The following SLC24A1 variants were observed in gnomAD, a reference collection of about 807,000 sequenced individuals.
SLC24A1 encodes sodium/potassium/calcium exchanger 1.
Under a neutral mutation model 88.1 loss-of-function variants are expected in SLC24A1, and 52 were observed. The ratio of observed to expected loss-of-function variants is 0.59; its 90% CI spans 0.47 to 0.74. The LOEUF (loss-of-function observed/expected upper bound fraction) is 0.74, where lower values mean the gene tolerates loss of function less well. Ranked by LOEUF, SLC24A1 falls within the 30% of genes least tolerant of loss-of-function variation. SLC24A1 has a pLI of 0.00. For missense variants in SLC24A1, 1,173 were observed against 1,363.3 expected, an observed-to-expected ratio of 0.86 and a Z score of 2.20; for synonymous variants, 455 against 498.0, an observed-to-expected ratio of 0.91 and a Z score of 1.15.
intron 2 of SLC24A1, among the ~76,000 whole-genome samples, chr15:65,614,713 G>A (rs1226682010): frequency 6.6e-6 from 1 of 152,152 alleles, no homozygotes; most frequent in African/African-American, 2.4e-5. Flanking sequence ...AACTAACTTT[G>A]CCTCTGCTCT....
At chr15:65,653,008 A>G (rs2075555786) in intron 9 of SLC24A1, 200 bp downstream of exon 9, 1 of 408,900 alleles carries the variant, frequency 2.4e-6, no homozygotes, top group Non-Finnish European at 4.3e-6. Context: ...TGCTGCCTGA[A>G]ATGTAACTGA....
At chr15:65,652,887 G>T in intron 9 of SLC24A1, 79 bp downstream of exon 9, 1 of 1,198,780 alleles carries the variant, frequency 8.3e-7, no homozygotes, top group Non-Finnish European at 1.2e-6. Context: ...CTGGTTTTCT[G>T]CTTTATTCAT....
Position 65,655,106 on chromosome 15 carries a change from C to A in SLC24A1, c.*1027C>A. 1 of 1,008,944 alleles carries A rather than the reference C, an allele frequency of 9.9e-7. No homozygotes were observed. The highest frequency in any genetic ancestry group is 4.0e-5 in the South Asian group (1 of 25,114). 62.5% of individuals were successfully genotyped at this position (1,008,944 alleles called of 1,614,324 possible). ...ACATGCAAATTCATGTTGTCTCCAT[C>A]AGTGGTCACCTTGAGGGATTAGACA... On this transcript the variant is annotated 3_prime_UTR_variant, in exon 10 of 10. Transcript: ENST00000261892.
intron 8 of SLC24A1, chr15:65,652,324 G>A (rs534163837): frequency 3.3e-6 from 1 of 300,240 alleles, no homozygotes; most frequent in African/African-American, 2.2e-5. Context: ...ACAGCTCTTT[G>A]GAAGGGCAGT....
rs76680467 is a variant in SLC24A1 at position 65,623,968 on chromosome 15, C to T, written c.-113C>T. 8.2e-3 allele frequency: 7,577 copies of T among 923,956 alleles called. 50 individuals carry two copies. The highest frequency in any genetic ancestry group is 0.011 in the Non-Finnish European group (6,461 of 601,018). 57.2% of individuals were successfully genotyped at this position (923,956 alleles called of 1,614,324 possible). On this transcript the variant is annotated 5_prime_UTR_variant, in exon 2 of 10. Coordinates refer to ENST00000261892, the MANE Select transcript of SLC24A1 (RefSeq NM_004727.3). ...TTACCCACCTAGGGTTGTGGATACCCCCTGGCTGGGCTTCATGGAGAAATC... is the reference window on the plus strand; with the variant it reads ...TTACCCACCTAGGGTTGTGGATACCTCCTGGCTGGGCTTCATGGAGAAATC...
intron 6 of SLC24A1, among the ~76,000 whole-genome samples, chr15:65,648,511 T>C (rs2075386048): frequency 6.6e-6 from 1 of 151,778 alleles, no homozygotes; most frequent in Admixed American, 6.5e-5. Flanking sequence ...AGACTGAGTC[T>C]TGCTCTGTCG....
Position 65,622,646 on chromosome 15 carries a change from A to C in SLC24A1, c.-127+554A>C, listed in dbSNP as rs555028027. On this transcript the variant is annotated intron_variant, in intron 1 of 9. Transcript: ENST00000261892. ...TAAATAGTTACTTGGGCTGGGCCTCAATGCCCTTCTTTATAAAATGAGGAT... is the reference window on the plus strand; with the variant it reads ...TAAATAGTTACTTGGGCTGGGCCTCCATGCCCTTCTTTATAAAATGAGGAT... 2.0e-5 allele frequency among the ~76,000 whole-genome samples: 3 copies of C among 152,150 alleles called. No homozygotes were observed. In the South Asian group the frequency reaches 6.2e-4, roughly 31 times the overall value.
At chr15:65,619,290 G>A (rs1282747241), upstream of SLC24A1, among the ~76,000 whole-genome samples, 1 of 152,008 alleles carries the variant, frequency 6.6e-6, no homozygotes, top group African/African-American at 2.4e-5. Flanking sequence ...CATCAGACTT[G>A]TTACTTTATT....
At position 65,624,337 on chromosome 15, in the gene SLC24A1, T is replaced by C. The variant is rs1352053947; in HGVS notation, c.257T>C (p.Met86Thr). Residue 86 changes from methionine to threonine, a missense_variant, in exon 2 of 10, where the codon ATG becomes ACG. Coordinates refer to ENST00000261892, the MANE Select transcript of SLC24A1 (RefSeq NM_004727.3). ...AGCCCTTCAAAACCTAGCTCCGAAA[T>C]GGGGGGTAAGATGCTGGTACCCCAA... ...SSSPSKPSSE[M>T]GGKMLVPQAS... 1.2e-6 allele frequency: 2 copies of C among 1,613,562 alleles called. No individual in the cohort carries two copies. The highest frequency in any genetic ancestry group is 8.5e-7 in the Non-Finnish European group (1 of 1,179,788).
downstream of SLC24A1, chr15:65,660,398 A>ACGACACTTGGACTGG: frequency 7.1e-6 from 8 of 1,134,170 alleles, no homozygotes; most frequent in Non-Finnish European, 1.0e-5. Flanking sequence ...CCTCCAGTCC[A>ACGACACTTGGACTGG]AGTGTCGTGG....
rs1407967938 is a variant in SLC24A1 at position 65,656,110 on chromosome 15, C to G, written c.*2031C>G. On this transcript the variant is annotated 3_prime_UTR_variant, in exon 10 of 10. Transcript: ENST00000261892. ...CTAACCTGGTGTCTGCAGCCCGTTC[C>G]CGTTAGCCTCGGGGATGTCACCTCA... 114 of 985,288 alleles carry G rather than the reference C, an allele frequency of 1.2e-4. No individual in the cohort carries two copies. The highest frequency in any genetic ancestry group is 1.3e-4 in the Non-Finnish European group (112 of 829,954). The allele number at this position is 985,288 out of a possible 1,614,324, so 61.0% of individuals were successfully genotyped here. A position where few individuals can be genotyped will look rare whatever the true frequency, so the allele number is the denominator to read the frequency against.
upstream of SLC24A1, among the ~76,000 whole-genome samples, chr15:65,618,035 G>GA (rs534282824): frequency 3.8e-4 from 58 of 152,282 alleles, 1 homozygote; most frequent in East Asian, 0.011. Context: ...TAGATGAAGT[G>GA]AAAAATAAGC....
downstream of SLC24A1, among the ~76,000 whole-genome samples, chr15:65,658,615 G>C (rs948950286): frequency 1.3e-5 from 2 of 152,142 alleles, no homozygotes; most frequent in South Asian, 2.1e-4. Flanking sequence ...ATACAAACTG[G>C]TTGAACATCC....
Position 65,625,793 on chromosome 15 carries a change from G to C in SLC24A1, c.1713G>C (p.Met571Ile), listed in dbSNP as rs376378474. 1.2e-6 allele frequency: 2 copies of C among 1,614,052 alleles called. No homozygotes were observed. Among genetic ancestry groups the C allele is most frequent in the Non-Finnish European group, 1.7e-6 (2 of 1,179,908 alleles). Residue 571 changes from methionine to isoleucine, a missense_variant, in exon 2 of 10, where the codon ATG becomes ATC. Coordinates refer to ENST00000261892, the MANE Select transcript of SLC24A1 (RefSeq NM_004727.3). The stretch of plus-strand genomic sequence containing the variant: ...CCTTCTACATCCTTGACCTGATAAT[G>C]CTCATCCTCTTCTTCCTGGACAGCC... ...DVSFYILDLI[M>I]LILFFLDSLI...
chr15:65,637,394 G>T (rs1273342063), intron 2 of SLC24A1, among the ~76,000 whole-genome samples: 1 of 152,044 alleles, frequency 6.6e-6, no homozygotes, highest in Non-Finnish European at 1.5e-5. Flanking sequence ...GGGGCATTTG[G>T]GAAAGCTTCA....
chr15:65,637,701 G>A (rs1249291482), intron 2 of SLC24A1, among the ~76,000 whole-genome samples: 4 of 152,216 alleles, frequency 2.6e-5, no homozygotes, highest in African/African-American at 7.2e-5. Context: ...ATTGGGGAAA[G>A]TGCAGTGAAG....
intron 2 of SLC24A1, among the ~76,000 whole-genome samples, chr15:65,615,944 G>T (rs896231881): frequency 2.3e-5 from 3 of 132,698 alleles, no homozygotes; most frequent in Non-Finnish European, 4.6e-5. Context: ...TAATCTCATT[G>T]TTCAATTCCC....
upstream of SLC24A1, among the ~76,000 whole-genome samples, chr15:65,618,063 C>T (rs1396162322): frequency 6.6e-6 from 1 of 152,142 alleles, no homozygotes; most frequent in Non-Finnish European, 1.5e-5. Context: ...TTCCTAGAAG[C>T]AACCATACAT....
intron 5 of SLC24A1, among the ~76,000 whole-genome samples, chr15:65,645,292 T>G (rs1445999967): frequency 6.6e-6 from 1 of 152,212 alleles, no homozygotes; most frequent in Non-Finnish European, 1.5e-5. Flanking sequence ...ATTCTCTGAG[T>G]GCTGGGAGCT....
Sources: allele counts gnomAD v4.1 joint callset (sites outside exome capture counted in the v4.1 genomes callset), GRCh38; gene constraint gnomAD v4.1.1; transcripts MANE v1.5; gene names NCBI Gene and HGNC (gene_info 2026-07-23, HGNC 2026-07-21).